The following TSPEAR variants were observed in gnomAD, a reference collection of about 807,000 sequenced individuals.
TSPEAR encodes thrombospondin-type laminin G domain and EAR repeat-containing protein.
Under a neutral mutation model 71.6 loss-of-function variants are expected in TSPEAR, and 69 were observed. The observed-to-expected ratio is 0.96, with a 90% CI of 0.79 to 1.18. The LOEUF is 1.18. Among genes scored for constraint, TSPEAR ranks in the 50% most tolerant of loss-of-function variants. The pLI, the probability that TSPEAR is intolerant of heterozygous loss-of-function variation, is 0.00. For missense variants in TSPEAR, 971 were observed against 894.9 expected, an observed-to-expected ratio of 1.09 and a Z score of -1.09; for synonymous variants, 402 against 387.2, an observed-to-expected ratio of 1.04 and a Z score of -0.45.
intron 1 of TSPEAR, among the ~76,000 whole-genome samples, chr21:44,632,025 T>C (rs904260820): frequency 1.3e-5 from 2 of 152,230 alleles, no homozygotes; most frequent in Admixed American, 1.3e-4. Flanking sequence ...GCATTATGAA[T>C]GTATTTAATA....
intron 1 of TSPEAR, among the ~76,000 whole-genome samples, chr21:44,622,796 G>T (rs1555933710): frequency 1.3e-5 from 2 of 152,182 alleles, no homozygotes; most frequent in Non-Finnish European, 2.9e-5. Context: ...GACATGGTTT[G>T]GTTGTATGGC....
intron 1 of TSPEAR, chr21:44,591,118 G>C: frequency 1.7e-6 from 1 of 586,538 alleles, no homozygotes; most frequent in East Asian, 3.0e-5. Flanking sequence ...GTGTGAGACA[G>C]AGGCGGCTTT....
At chr21:44,551,529 A>G in intron 2 of TSPEAR, 1 of 1,529,608 alleles carries the variant, frequency 6.5e-7, no homozygotes, top group Non-Finnish European at 8.8e-7. Flanking sequence ...TGTGTGAGTG[A>G]GTGTGTGTGT....
At chr21:44,628,346 C>T (rs1396266365) in intron 1 of TSPEAR, 2 of 378,624 alleles carry the variant, frequency 5.3e-6, no homozygotes, top group East Asian at 7.7e-5. Context: ...TCACCCTCTG[C>T]CCCTGAGCAC....
In TSPEAR at chr21:44,607,066, A is replaced by T. The variant is rs1017498907; in HGVS notation, c.83-39061T>A. Among the ~76,000 whole-genome samples the T allele has an allele frequency of 2.6e-5, 4 of 152,174 alleles. 1 individual carries two copies. The highest frequency in any genetic ancestry group is 5.9e-5 in the Non-Finnish European group (4 of 68,024). On this transcript the variant is annotated intron_variant, in intron 1 of 11. Coordinates refer to ENST00000323084, the MANE Select transcript of TSPEAR (RefSeq NM_144991.3). ...TGGTGAGATGATGGTTATGTTAAGT[A>T]ACTTGATTTCATCTTTTTTGTTTTG...
chr21:44,661,777 G>T (rs1555943676), intron 1 of TSPEAR, among the ~76,000 whole-genome samples: 1 of 152,208 alleles, frequency 6.6e-6, no homozygotes, highest in East Asian at 1.9e-4. Flanking sequence ...GACGGGGCTG[G>T]GGGAGGGGCC....
chr21:44,569,254 G>T (rs905994521), intron 1 of TSPEAR, among the ~76,000 whole-genome samples: 3 of 152,176 alleles, frequency 2.0e-5, no homozygotes, highest in Non-Finnish European at 4.4e-5. Context: ...GCGCACACAG[G>T]GTGTGAAACG....
chr21:44,702,986 G>T (rs1338596368), intron 1 of TSPEAR, among the ~76,000 whole-genome samples: 1 of 152,200 alleles, frequency 6.6e-6, no homozygotes, highest in Non-Finnish European at 1.5e-5. Flanking sequence ...AGGAAACCAT[G>T]AGACAGCCCT....
rs1157375843 is a variant in TSPEAR at position 44,687,146 on chromosome 21, C to T, written c.82+24287G>A. Among the ~76,000 whole-genome samples the T allele has an allele frequency of 2.6e-5, 4 of 152,174 alleles. No individual in the cohort carries two copies. The highest frequency in any genetic ancestry group is 9.7e-5 in the African/African-American group (4 of 41,438). On this transcript the variant is annotated intron_variant, in intron 1 of 11. Coordinates refer to ENST00000323084, the MANE Select transcript of TSPEAR (RefSeq NM_144991.3). The surrounding 1 kb of genome is among the most constrained non-coding windows in gnomAD (Gnocchi z 4.4). ...GCCTGGGGAACCTGGTGGCTGCCTT[C>T]GGGTGTCAGAAGGGCTTTCCCCCAG...
chr21:44,682,228 A>G (rs1555948192), intron 1 of TSPEAR: 2 of 1,289,818 alleles, frequency 1.6e-6, no homozygotes, highest in Non-Finnish European at 2.2e-6. Flanking sequence ...ACAGCACAGA[A>G]GCACACACCT....
At chr21:44,627,292 C>G in intron 1 of TSPEAR, 3 of 1,612,588 alleles carry the variant, frequency 1.9e-6, no homozygotes, top group Non-Finnish European at 1.7e-6. Flanking sequence ...CGCCCCGGCC[C>G]CCTGCCTGAC....
chr21:44,592,459 C>T (rs782027179), intron 1 of TSPEAR: 1 of 1,611,528 alleles, frequency 6.2e-7, no homozygotes. Flanking sequence ...GTCGCTGGAG[C>T]AGACGGACAT....
chr21:44,709,609 C>A (rs1309614808), intron 1 of TSPEAR, among the ~76,000 whole-genome samples: 2 of 152,274 alleles, frequency 1.3e-5, no homozygotes, highest in Non-Finnish European at 2.9e-5. Context: ...GCGGGTCAAC[C>A]ACCCGCCGCG....
In TSPEAR at chr21:44,682,350, A is replaced by C. The variant is rs375959829; in HGVS notation, c.82+29083T>G. On this transcript the variant is annotated intron_variant, in intron 1 of 11. Transcript: ENST00000323084. ...TTCGTGACTAATTGCACCCTCTTCA[A>C]GCTCTTGTTACATTTGGAAACCTGC... is the stretch of plus-strand genomic sequence containing the variant. 2.0e-5 allele frequency among the ~76,000 whole-genome samples: 3 copies of C among 152,300 alleles called. 1 individual carries two copies.
In TSPEAR at chr21:44,567,798, T is replaced by C; in HGVS notation, c.290A>G (p.Asn97Ser). ...AGTGCCACTGACCTTGGGTGGAAGA[T>C]TGGGAACTCTCAAAGTTACGACGAT... The part of the protein sequence containing the change: ...FSIVVTLRVP[N>S]LPPKRNEYLL... Residue 97 changes from asparagine (N) to serine (S), a missense_variant, in exon 2 of 12, where the codon AAT (asparagine) becomes AGT (serine). Physicochemically the swap from Asn to Ser is conservative, Grantham distance 46. Coordinates refer to ENST00000323084, the MANE Select transcript of TSPEAR (RefSeq NM_144991.3). 1.3e-6 allele frequency: 2 copies of C among 1,575,870 alleles called. No homozygotes were observed. The highest frequency in any genetic ancestry group is 1.7e-6 in the Non-Finnish European group (2 of 1,160,000).
chr21:44,556,694 A>G (rs1555919882), intron 2 of TSPEAR, among the ~76,000 whole-genome samples: 1 of 152,186 alleles, frequency 6.6e-6, no homozygotes, highest in Non-Finnish European at 1.5e-5. Flanking sequence ...TCCGCCTAAA[A>G]AATAATAGAA....
At chr21:44,660,703 A>T (rs985272353) in intron 1 of TSPEAR, among the ~76,000 whole-genome samples, 1 of 152,228 alleles carries the variant, frequency 6.6e-6, no homozygotes, top group South Asian at 2.1e-4. Context: ...GCCGTGATTC[A>T]TGTCTGTAAT....
At position 44,506,212 on chromosome 21, in the gene TSPEAR, T is replaced by A. The variant is rs2052197194; in HGVS notation, c.1755-1331A>T. On this transcript the variant is annotated intron_variant, in intron 10 of 11. Transcript: ENST00000323084. The surrounding 1 kb of genome is among the most constrained non-coding windows in gnomAD (Gnocchi z 4.2). ...AATTTACCAAGGATGCATCTGTGCT[T>A]GGGGATGGCTCGGTTTGAGGGGTCT... Among the ~76,000 whole-genome samples, 1 of 152,222 alleles carries A rather than the reference T, an allele frequency of 6.6e-6. No homozygotes were observed. Among genetic ancestry groups the A allele is most frequent in the Non-Finnish European group, 1.5e-5 (1 of 68,030 alleles).
intron 9 of TSPEAR, among the ~76,000 whole-genome samples, chr21:44,512,602 C>T (rs587732504): frequency 2.4e-4 from 37 of 152,250 alleles, no homozygotes; most frequent in African/African-American, 8.9e-4. Context: ...GGTGGAGACC[C>T]TGGGTTGGGA....
Sources: gnomAD v4.1 joint callset for allele counts (sites outside exome capture counted in the v4.1 genomes callset) on GRCh38, gnomAD v4.1.1 for gene constraint, Gnocchi (gnomAD v3.1) non-coding constraint, MANE v1.5 for transcripts, NCBI Gene and HGNC (gene_info 2026-07-23, HGNC 2026-07-21) for gene names.